GSK3B: variants seen among roughly 807,000 people sequenced by gnomAD.
GSK3B encodes the protein glycogen synthase kinase-3 beta.
In GSK3B, 15 loss-of-function variants were observed where a neutral mutation model predicts 56.4. The ratio of observed to expected loss-of-function variants is 0.27; its 90% CI spans 0.18 to 0.41. GSK3B has a LOEUF of 0.41. Ranked by LOEUF, GSK3B falls within the 10% of genes least tolerant of loss-of-function variation. GSK3B has a pLI of 1.00. For missense variants in GSK3B, 300 were observed against 513.4 expected, an observed-to-expected ratio of 0.58 and a Z score of 4.02; for synonymous variants, 181 against 188.9, an observed-to-expected ratio of 0.96 and a Z score of 0.34.
chr3:120,028,655 T>C (rs907770144), intron 1 of GSK3B: 3 of 354,288 alleles, frequency 8.5e-6, no homozygotes, highest in African/African-American at 6.4e-5. Context: ...CTTTAATAAA[T>C]CCCACAGAGG....
At chr3:120,022,394 G>C (rs957766537) in intron 1 of GSK3B, among the ~76,000 whole-genome samples, 4 of 152,172 alleles carry the variant, frequency 2.6e-5, no homozygotes, top group Non-Finnish European at 5.9e-5. Context: ...GTGCTTTACT[G>C]TGGTGGTCTG....
chr3:119,846,892 C>T (rs1420318877), intron 9 of GSK3B, among the ~76,000 whole-genome samples: 1 of 152,116 alleles, frequency 6.6e-6, no homozygotes, highest in Non-Finnish European at 1.5e-5. Context: ...AACCCAAATG[C>T]CCACCAATGA....
At chr3:119,943,688 C>T (rs75651033) in intron 3 of GSK3B, among the ~76,000 whole-genome samples, 4,559 of 151,550 alleles carry the variant, frequency 0.03, 95 homozygotes, top group Middle Eastern at 0.048. Context: ...GGGTAAAATC[C>T]CATTGAAAGA....
chr3:120,029,768 T>G, intron 1 of GSK3B: 1 of 555,530 alleles, frequency 1.8e-6, no homozygotes, highest in South Asian at 1.4e-5. Flanking sequence ...GGTATGTTAC[T>G]TATGGTCATT....
At chr3:119,915,455 C>G (rs1159701750) in intron 5 of GSK3B, among the ~76,000 whole-genome samples, 1 of 151,970 alleles carries the variant, frequency 6.6e-6, no homozygotes, top group Non-Finnish European at 1.5e-5. Flanking sequence ...ACATTATATT[C>G]CCAAAGATCC....
At chr3:120,020,895 A>C (rs373656959) in intron 1 of GSK3B, among the ~76,000 whole-genome samples, 11 of 152,226 alleles carry the variant, frequency 7.2e-5, no homozygotes, top group Admixed American at 3.9e-4. Context: ...CAAGAAAGTA[A>C]AACAGCCTTA....
intron 2 of GSK3B, among the ~76,000 whole-genome samples, chr3:120,001,565 CTCTTT>C (rs1408840173): frequency 6.6e-6 from 1 of 152,108 alleles, no homozygotes; most frequent in African/African-American, 2.4e-5. Context: ...CCAATTAAAC[CTCTTT>C]TCTTTATAAA....
intron 7 of GSK3B, among the ~76,000 whole-genome samples, chr3:119,899,335 T>C (rs747505386): frequency 6.6e-6 from 1 of 152,034 alleles, no homozygotes; most frequent in Admixed American, 6.6e-5. Context: ...ACTAAAACAG[T>C]AGAAAGTGAT....
intron 9 of GSK3B, among the ~76,000 whole-genome samples, chr3:119,862,205 T>C (rs1283246032): frequency 3.4e-5 from 5 of 148,564 alleles, no homozygotes; most frequent in Admixed American, 2.0e-4. Flanking sequence ...TAAAAAATGA[T>C]GAGTTCATAT....
intron 10 of GSK3B, among the ~76,000 whole-genome samples, chr3:119,839,151 G>C (rs1023231958): frequency 1.3e-5 from 2 of 152,130 alleles, no homozygotes; most frequent in Non-Finnish European, 2.9e-5. Flanking sequence ...CACAATCTGG[G>C]TATGAAAATG....
At chr3:119,855,481 G>A (rs1017716144) in intron 9 of GSK3B, among the ~76,000 whole-genome samples, 1 of 152,182 alleles carries the variant, frequency 6.6e-6, no homozygotes, top group Non-Finnish European at 1.5e-5. Flanking sequence ...ATTACTGGGT[G>A]TATACCCAAA....
intron 1 of GSK3B, among the ~76,000 whole-genome samples, chr3:120,004,621 C>G (rs1277750354): frequency 6.6e-6 from 1 of 152,044 alleles, no homozygotes; most frequent in East Asian, 1.9e-4. Flanking sequence ...CTGGTGATAC[C>G]CAGGCAAACA....
At chr3:119,846,209 T>A (rs370669821) in intron 9 of GSK3B, among the ~76,000 whole-genome samples, 4 of 152,176 alleles carry the variant, frequency 2.6e-5, no homozygotes, top group African/African-American at 4.8e-5. Flanking sequence ...GAAGGAAACC[T>A]AGGCAATATC....
chr3:120,066,124 T>C (rs1419113639), intron 1 of GSK3B, among the ~76,000 whole-genome samples: 3 of 152,158 alleles, frequency 2.0e-5, no homozygotes, highest in East Asian at 3.8e-4. Context: ...TTTCACACAA[T>C]TTTTTAAAAA....
At chr3:119,844,086 C>T (rs924363940) in intron 9 of GSK3B, among the ~76,000 whole-genome samples, 3 of 151,978 alleles carry the variant, frequency 2.0e-5, no homozygotes, top group Non-Finnish European at 2.9e-5. Context: ...GGGTAAATAA[C>T]GAAATTAAGG....
intron 8 of GSK3B, among the ~76,000 whole-genome samples, chr3:119,865,466 A>ATAT (rs1244552588): frequency 2.6e-4 from 9 of 34,112 alleles, no homozygotes; most frequent in African/African-American, 5.5e-4. Flanking sequence ...ATATATATAT[A>ATAT]TTTTTTTTTT....
intron 1 of GSK3B, among the ~76,000 whole-genome samples, chr3:120,078,484 T>C (rs1227486227): frequency 6.6e-6 from 1 of 151,772 alleles, no homozygotes; most frequent in Non-Finnish European, 1.5e-5. Context: ...TGTTTCTAAC[T>C]AAGTTCTCCT....
chr3:119,826,796 A>C lies in GSK3B; in HGVS notation c.1255T>G (p.Ser419Ala), dbSNP rs1282597500. 1.2e-6 allele frequency: 2 copies of C among 1,610,522 alleles called. No homozygotes were observed. Among genetic ancestry groups the C allele is most frequent in the Non-Finnish European group, 1.7e-6 (2 of 1,176,900 alleles). Residue 419 changes from serine (S) to alanine (A), a missense_variant, in exon 11 of 11, where the codon TCC becomes GCC. Ser to Ala is a moderately conservative substitution (Grantham distance 99). Transcript: ENST00000264235. ...NNAASASASN[S>A]T is the part of the protein sequence containing the mutation. ...TGGCTGCTCGGGACTGTTCAGGTGGAGTTGGAAGCTGATGCAGAAGCAGCA... is the reference window on the plus strand; with the variant it reads ...TGGCTGCTCGGGACTGTTCAGGTGGCGTTGGAAGCTGATGCAGAAGCAGCA...
At chr3:120,008,943 G>A (rs1334297532) in intron 1 of GSK3B, among the ~76,000 whole-genome samples, 3 of 152,098 alleles carry the variant, frequency 2.0e-5, no homozygotes, top group Non-Finnish European at 2.9e-5. Flanking sequence ...ATCTGACAAA[G>A]GGCTAATATA....
Sources: gnomAD v4.1 joint callset for allele counts (sites outside exome capture counted in the v4.1 genomes callset) on GRCh38, gnomAD v4.1.1 for gene constraint, MANE v1.5 for transcripts, NCBI Gene and HGNC (gene_info 2026-07-23, HGNC 2026-07-21) for gene names.